DIS3L2: variants seen among roughly 807,000 people sequenced by gnomAD.
The protein encoded by DIS3L2 is DIS3 like 3'-5' exoribonuclease 2, also known as DIS3-like exonuclease 2.
Under a neutral mutation model 97.5 loss-of-function variants are expected in DIS3L2, and 34 were observed. The ratio of observed to expected loss-of-function variants is 0.35; its 90% CI spans 0.27 to 0.46. The LOEUF is 0.46. Among genes scored for constraint, DIS3L2 ranks in the 20% least tolerant of loss-of-function variants. The pLI is 1.00. For synonymous variants in DIS3L2, 435 were observed against 445.2 expected (o/e 0.98, Z 0.29); for missense variants, 1,038 against 1,146.0 (o/e 0.91, Z 1.36).
intron 5 of DIS3L2, among the ~76,000 whole-genome samples, chr2:232,030,630 A>G (rs1045455295): frequency 1.3e-5 from 2 of 152,168 alleles, no homozygotes; most frequent in Admixed American, 1.3e-4. Context: ...TTCGGTCTCC[A>G]TCTATGTCTG....
chr2:232,073,923 A>G (rs999895366), intron 5 of DIS3L2, among the ~76,000 whole-genome samples: 3 of 152,224 alleles, frequency 2.0e-5, no homozygotes, highest in Non-Finnish European at 4.4e-5. Context: ...TTTCTGAGTG[A>G]CAGATTGCTA....
intron 11 of DIS3L2, among the ~76,000 whole-genome samples, chr2:232,248,459 G>A (rs537325939): frequency 1.3e-4 from 2 of 15,320 alleles, no homozygotes; most frequent in Non-Finnish European, 1.9e-4. Flanking sequence ...GTAATTTCAG[G>A]AGATACAGAG....
intron 5 of DIS3L2, among the ~76,000 whole-genome samples, chr2:232,070,275 G>GAAAAGA (rs1553604750): frequency 6.6e-6 from 1 of 152,120 alleles, no homozygotes; most frequent in Non-Finnish European, 1.5e-5. Context: ...TCAAAGAAAA[G>GAAAAGA]AAAAGAAAAA....
chr2:232,056,832 G>A (rs1026721590), intron 5 of DIS3L2, among the ~76,000 whole-genome samples: 3 of 152,242 alleles, frequency 2.0e-5, no homozygotes, highest in Admixed American at 2.0e-4. Context: ...TAGTGGGAAT[G>A]TCAGTGTAGC....
intron 20 of DIS3L2, 132 bp downstream of exon 20, chr2:232,336,006 GGCCCTCCCA>G: frequency 6.6e-7 from 1 of 1,523,656 alleles, no homozygotes; most frequent in Non-Finnish European, 8.8e-7. Flanking sequence ...GGGGTTTTAG[GGCCCTCCCA>G]GCTCACCCAG....
chr2:232,077,985 C>CTTTT (rs1401447108), intron 5 of DIS3L2, among the ~76,000 whole-genome samples: 1 of 135,294 alleles, frequency 7.4e-6, no homozygotes. Context: ...TTCTTTCTTT[C>CTTTT]TTTCTTTCTT....
intron 6 of DIS3L2, among the ~76,000 whole-genome samples, chr2:232,124,512 A>G (rs1484027806): frequency 6.6e-6 from 1 of 152,164 alleles, no homozygotes. Flanking sequence ...ACAAACTGGA[A>G]GAGAGTAAGA....
intron 1 of DIS3L2, among the ~76,000 whole-genome samples, chr2:231,962,673 G>A (rs1403544661): frequency 6.6e-6 from 1 of 152,040 alleles, no homozygotes; most frequent in Non-Finnish European, 1.5e-5. Context: ...TTGACCTCGT[G>A]ATCCGCCCGC....
intron 11 of DIS3L2, among the ~76,000 whole-genome samples, chr2:232,247,634 GGCGGGGGGGA>G (rs1559173632): frequency 3.3e-5 from 2 of 59,926 alleles, no homozygotes; most frequent in Non-Finnish European, 3.9e-5. Context: ...GGGGGGGGGG[GGCGGGGGGGA>G]GGGTGCCAAT....
At chr2:232,230,302 A>G (rs569860583) in intron 10 of DIS3L2, among the ~76,000 whole-genome samples, 5 of 152,258 alleles carry the variant, frequency 3.3e-5, no homozygotes, top group Non-Finnish European at 7.3e-5. Context: ...CAGTAGGATC[A>G]TGCTAAGGCC....
At chr2:231,998,652 A>G (rs560110205) in intron 1 of DIS3L2, among the ~76,000 whole-genome samples, 6 of 152,264 alleles carry the variant, frequency 3.9e-5, no homozygotes, top group Non-Finnish European at 5.9e-5. Context: ...ATACTTTGAA[A>G]CTATTTAAAA....
At chr2:232,175,708 A>G (rs896433064) in intron 9 of DIS3L2, among the ~76,000 whole-genome samples, 1 of 152,014 alleles carries the variant, frequency 6.6e-6, no homozygotes, top group South Asian at 2.1e-4. Flanking sequence ...AATAAGAGGT[A>G]GTTTTTTGAT....
At chr2:232,049,562 C>T (rs1458534733) in intron 5 of DIS3L2, among the ~76,000 whole-genome samples, 1 of 152,182 alleles carries the variant, frequency 6.6e-6, no homozygotes, top group Non-Finnish European at 1.5e-5. Flanking sequence ...AAGCCCTCAC[C>T]AGATGCTGGT....
At chr2:232,009,743 T>C (rs1004777915) in intron 1 of DIS3L2, among the ~76,000 whole-genome samples, 1 of 152,206 alleles carries the variant, frequency 6.6e-6, no homozygotes, top group Non-Finnish European at 1.5e-5. Flanking sequence ...GTCTTGTGCA[T>C]GTGGACAGTC....
In DIS3L2 at chr2:232,293,478, G is replaced by A. The variant is rs1488796320; in HGVS notation, c.1660-6562G>A. ...ACTTTGACAGAGGAGGGACAGGCAG[G>A]AAGGGCTCCCCTGGAAGCAGGTGGA... is the stretch of plus-strand genomic sequence containing the variant. On this transcript the variant is annotated intron_variant, in intron 13 of 20. Coordinates refer to ENST00000325385, the MANE Select transcript of DIS3L2 (RefSeq NM_152383.5). The surrounding 1 kb of genome is among the most constrained non-coding windows in gnomAD (Gnocchi z 4.6). 6.6e-6 allele frequency among the ~76,000 whole-genome samples: 1 copy of A among 152,172 alleles called. No individual in the cohort carries two copies. The highest frequency in any genetic ancestry group is 1.5e-5 in the Non-Finnish European group (1 of 68,030).
At chr2:232,198,620 A>T (rs1468648360) in intron 9 of DIS3L2, 15 of 152,206 alleles carry the variant, frequency 9.9e-5, no homozygotes, top group Admixed American at 9.8e-4. Context: ...GGCTGCCCTC[A>T]TTGCACCCTT....
chr2:231,963,129 C>G (rs530455295), intron 1 of DIS3L2, among the ~76,000 whole-genome samples: 58 of 152,326 alleles, frequency 3.8e-4, no homozygotes, highest in Non-Finnish European at 7.2e-4. Context: ...AATGGTGGCT[C>G]TTTAAGTTCT....
chr2:231,999,930 T>G (rs563110223), intron 1 of DIS3L2, among the ~76,000 whole-genome samples: 2 of 152,316 alleles, frequency 1.3e-5, no homozygotes, highest in African/African-American at 4.8e-5. Flanking sequence ...TGTCATATAC[T>G]TATCATTTTT....
chr2:232,334,994 G>T (rs949281654), intron 19 of DIS3L2: 23 of 485,212 alleles, frequency 4.7e-5, no homozygotes, highest in South Asian at 2.8e-4. Context: ...AGCTCGGCAG[G>T]GTGTGCAGGC....
Sources: allele counts gnomAD v4.1 joint callset (sites outside exome capture counted in the v4.1 genomes callset), GRCh38; gene constraint gnomAD v4.1.1; non-coding constraint Gnocchi (gnomAD v3.1); transcripts MANE v1.5; gene names NCBI Gene and HGNC (gene_info 2026-07-23, HGNC 2026-07-21).